RBFOX1: variants seen among roughly 807,000 people sequenced by gnomAD.
RBFOX1 encodes RNA binding protein fox-1 homolog 1.
RBFOX1 carries 8 observed loss-of-function variants against 57.7 expected under a neutral mutation model. The observed-to-expected ratio is 0.14, with a 90% confidence interval of 0.08 to 0.25. The LOEUF (loss-of-function observed/expected upper bound fraction) is 0.25, where lower values mean the gene tolerates loss of function less well. Ranked by LOEUF, RBFOX1 falls within the 10% of genes least tolerant of loss-of-function variation. RBFOX1 has a pLI of 1.00. For synonymous variants in RBFOX1, 326 were observed against 222.4 expected, an observed-to-expected ratio of 1.47 and a Z score of -4.15; for missense variants, 611 against 548.5, an observed-to-expected ratio of 1.11 and a Z score of -1.14.
chr16:5,996,861 C>G (rs1483574524), intron 4 of RBFOX1, among the ~76,000 whole-genome samples: 1 of 152,122 alleles, frequency 6.6e-6, no homozygotes, highest in Non-Finnish European at 1.5e-5. Context: ...AAAAGAAACC[C>G]ACTGTTGTAA....
At chr16:7,083,485 A>T (rs2059511415) in intron 4 of RBFOX1, among the ~76,000 whole-genome samples, 1 of 151,992 alleles carries the variant, frequency 6.6e-6, no homozygotes, top group Non-Finnish European at 1.5e-5. Flanking sequence ...GACACATACC[A>T]ATCCACTGGT....
At chr16:6,799,925 T>C (rs994108089) in intron 3 of RBFOX1, among the ~76,000 whole-genome samples, 1 of 152,148 alleles carries the variant, frequency 6.6e-6, no homozygotes, top group Non-Finnish European at 1.5e-5. Context: ...AGATGGCTTA[T>C]AGTGAGACTT....
chr16:7,120,980 A>G (rs763624082), intron 4 of RBFOX1, among the ~76,000 whole-genome samples: 2 of 152,062 alleles, frequency 1.3e-5, no homozygotes, highest in Admixed American at 6.6e-5. Context: ...AATGTTATGT[A>G]CCATATTAAC....
intron 14 of RBFOX1, among the ~76,000 whole-genome samples, chr16:7,699,436 G>A (rs1355849080): frequency 6.6e-6 from 1 of 152,062 alleles, no homozygotes; most frequent in Non-Finnish European, 1.5e-5. Flanking sequence ...AAGCCATCCT[G>A]CCCCTTTGGC....
chr16:6,366,311 T>A (rs2089607238), intron 2 of RBFOX1, among the ~76,000 whole-genome samples: 2 of 152,214 alleles, frequency 1.3e-5, no homozygotes, highest in African/African-American at 4.8e-5. Context: ...CCATACCTTT[T>A]GGATATTGAA....
At chr16:6,942,342 A>AT (rs769042026) in intron 3 of RBFOX1, among the ~76,000 whole-genome samples, 40 of 151,724 alleles carry the variant, frequency 2.6e-4, no homozygotes, top group African/African-American at 5.1e-4. Context: ...TAATTTTTTG[A>AT]TTTTTTTTTG....
intron 2 of RBFOX1, among the ~76,000 whole-genome samples, chr16:6,648,330 G>A (rs551208735): frequency 6.6e-6 from 1 of 152,136 alleles, no homozygotes; most frequent in East Asian, 1.9e-4. Context: ...CAAAGTGCTG[G>A]GATTATAGGC....
intron 3 of RBFOX1, among the ~76,000 whole-genome samples, chr16:6,953,396 T>A (rs1006727810): frequency 3.4e-4 from 38 of 110,290 alleles, no homozygotes; most frequent in Admixed American, 1.0e-3. Context: ...GTTGTTATTG[T>A]TTTTTTTTGA....
chr16:6,110,898 A>G, intron 1 of RBFOX1, among the ~76,000 whole-genome samples: 1 of 152,194 alleles, frequency 6.6e-6, no homozygotes, highest in Middle Eastern at 3.2e-3. Flanking sequence ...ACCTGGCTCA[A>G]AATGTCAATA....
chr16:6,871,482 G>A (rs1967404), intron 3 of RBFOX1, among the ~76,000 whole-genome samples: 115,868 of 152,074 alleles, frequency 0.76, 45,103 homozygotes, highest in African/African-American at 0.92. Flanking sequence ...CACCGTGCCC[G>A]GCCTCAAAAT....
At chr16:7,099,885 G>T (rs997983418) in intron 4 of RBFOX1, among the ~76,000 whole-genome samples, 1 of 152,138 alleles carries the variant, frequency 6.6e-6, no homozygotes, top group Non-Finnish European at 1.5e-5. Context: ...GCAGGTTTTA[G>T]GGAGAATAGA....
chr16:6,644,389 C>G (rs1028807959), intron 2 of RBFOX1, among the ~76,000 whole-genome samples: 6 of 152,166 alleles, frequency 3.9e-5, no homozygotes, highest in African/African-American at 1.4e-4. Flanking sequence ...ATAAACCGTT[C>G]TGCTATAACA....
intron 3 of RBFOX1, among the ~76,000 whole-genome samples, chr16:6,922,747 C>A (rs1460830336): frequency 6.6e-6 from 1 of 152,080 alleles, no homozygotes; most frequent in Non-Finnish European, 1.5e-5. Flanking sequence ...TAAACATTTT[C>A]CAGTAATTTC....
Position 5,999,867 on chromosome 16 carries a change from CAAAAAAAAAAAAAAAAAAAAAA to C in RBFOX1, c.351+132551_351+132572del, listed in dbSNP as rs869221577. The stretch of plus-strand genomic sequence containing the variant: ...TGGGCGACAGAGCGAGACTCCACCT[CAAAAAAAAAAAAAAAAAAAAAA>C]AAAAAAAAAAAAAAAAAAGAGTGAA... On this transcript the variant is annotated intron_variant, in intron 4 of 19. Transcript: ENST00000641259. Among the ~76,000 whole-genome samples, 62 of 27,668 alleles carry C rather than the reference CAAAAAAAAAAAAAAAAAAAAAA, an allele frequency of 2.2e-3. 4 individuals are homozygous for C. Among genetic ancestry groups the C allele is most frequent in the African/African-American group, 8.0e-3 (53 of 6,634 alleles). The allele number at this position is 27,668 out of a possible 152,430, so 18.2% of individuals were successfully genotyped here. A position where few individuals can be genotyped will look rare whatever the true frequency, so the allele number is the denominator to read the frequency against.
intron 1 of RBFOX1, among the ~76,000 whole-genome samples, chr16:5,350,322 C>G (rs1744152854): frequency 6.6e-6 from 1 of 152,064 alleles, no homozygotes; most frequent in South Asian, 2.1e-4. Context: ...GCCTGGTGGT[C>G]AGAAAGTGAA....
At chr16:5,501,201 C>G (rs7188439) in intron 2 of RBFOX1, among the ~76,000 whole-genome samples, 29,069 of 150,838 alleles carry the variant, frequency 0.19, 4,864 homozygotes, top group African/African-American at 0.46. Context: ...GCCTGTAATC[C>G]CAGCTACTAG....
chr16:7,212,899 C>T (rs919671996), intron 4 of RBFOX1, among the ~76,000 whole-genome samples: 5 of 152,104 alleles, frequency 3.3e-5, no homozygotes, highest in African/African-American at 1.2e-4. Flanking sequence ...TTGATGAAGG[C>T]AATAGTGGTT....
At chr16:6,587,028 G>T (rs1275745699) in intron 2 of RBFOX1, among the ~76,000 whole-genome samples, 1 of 152,006 alleles carries the variant, frequency 6.6e-6, no homozygotes, top group Non-Finnish European at 1.5e-5. Context: ...GTGTGTGTGT[G>T]TTGAGAACAC....
chr16:6,644,989 C>G lies in RBFOX1; in HGVS notation c.-63-9614C>G, dbSNP rs374058841. ...GCTTAAAACAACTGAAATATATTCT[C>G]TGACAGCTCTGGAGGCTCTACGTCC... On this transcript the variant is annotated intron_variant, in intron 2 of 15. Transcript: ENST00000550418. Among the ~76,000 whole-genome samples, 9 of 152,288 alleles carry G rather than the reference C, an allele frequency of 5.9e-5. No homozygotes were observed. In the South Asian group the frequency reaches 8.3e-4, roughly 14 times the overall value.
Sources: gnomAD v4.1 joint callset for allele counts (sites outside exome capture counted in the v4.1 genomes callset) on GRCh38, gnomAD v4.1.1 for gene constraint, MANE v1.5 for transcripts, NCBI Gene and HGNC (gene_info 2026-07-23, HGNC 2026-07-21) for gene names.